Variants in TRMT11 observed in about 807,000 individuals in gnomAD.
TRMT11 encodes the protein tRNA methyltransferase 11, also known as tRNA (guanine(10)-N(2))-methyltransferase TRMT11.
TRMT11 carries 53 observed loss-of-function variants against 62.8 expected under a neutral mutation model. That is an observed-to-expected ratio of 0.84 (90% CI 0.68 to 1.06). TRMT11 has a LOEUF of 1.06. Among genes scored for constraint, TRMT11 ranks in the 50% least tolerant of loss-of-function variants. The pLI is 0.00. For synonymous variants in TRMT11, 188 were observed against 190.3 expected, an observed-to-expected ratio of 0.99 and a Z score of 0.10; for missense variants, 556 against 553.4, an observed-to-expected ratio of 1.00 and a Z score of -0.05.
chr6:126,045,687 A>G (rs1776036079), intron 16 of TRMT11, among the ~76,000 whole-genome samples: 1 of 152,132 alleles, frequency 6.6e-6, no homozygotes. Flanking sequence ...CACTATAACA[A>G]TTAGTACTAA....
intron 17 of TRMT11, among the ~76,000 whole-genome samples, chr6:126,077,895 CAG>C (rs1000485229): frequency 6.6e-6 from 1 of 152,122 alleles, no homozygotes; most frequent in African/African-American, 2.4e-5. Flanking sequence ...TGGTGAGAGT[CAG>C]AGATCCTTCT....
intron 17 of TRMT11, among the ~76,000 whole-genome samples, chr6:126,055,457 C>G (rs1583848289): frequency 6.6e-6 from 1 of 152,176 alleles, no homozygotes; most frequent in East Asian, 1.9e-4. Flanking sequence ...AGATACATGT[C>G]TTATGTTGAA....
chr6:126,130,099 C>T (rs1453383742), intron 21 of TRMT11, among the ~76,000 whole-genome samples: 1 of 152,014 alleles, frequency 6.6e-6, no homozygotes, highest in African/African-American at 2.4e-5. Flanking sequence ...AGAGGTCCAT[C>T]AGTTCAGTTC....
the TRMT11 span, among the ~76,000 whole-genome samples, chr6:126,237,516 C>T: frequency 6.6e-6 from 1 of 151,814 alleles, no homozygotes; most frequent in Non-Finnish European, 1.5e-5. Flanking sequence ...CTTGTCTCTA[C>T]AAAAAATACA....
At chr6:126,155,972 G>A (rs1039476362) in intron 21 of TRMT11, among the ~76,000 whole-genome samples, 7 of 151,898 alleles carry the variant, frequency 4.6e-5, no homozygotes, top group Non-Finnish European at 7.4e-5. Flanking sequence ...ATGATCCGCC[G>A]GCCTCAGCCT....
chr6:126,069,716 G>T (rs965017342), intron 17 of TRMT11, among the ~76,000 whole-genome samples: 1 of 152,210 alleles, frequency 6.6e-6, no homozygotes, highest in Non-Finnish European at 1.5e-5. Context: ...TCCGGGACTT[G>T]CCAGCCTTCA....
intron 17 of TRMT11, among the ~76,000 whole-genome samples, chr6:126,093,631 A>ATATATTTTTTT (rs1554236842): frequency 1.0e-5 from 1 of 98,016 alleles, no homozygotes; most frequent in African/African-American, 4.4e-5. Flanking sequence ...ATATATATAT[A>ATATATTTTTTT]TTTTCCCCCA....
intron 17 of TRMT11, among the ~76,000 whole-genome samples, chr6:126,088,160 CTATAGTA>C (rs970901760): frequency 6.6e-5 from 10 of 151,750 alleles, no homozygotes; most frequent in African/African-American, 2.4e-4. Flanking sequence ...TATATACTCT[CTATAGTA>C]TATAGTAAGC....
At chr6:126,005,548 G>A (rs188621723) in intron 7 of TRMT11, among the ~76,000 whole-genome samples, 16 of 151,986 alleles carry the variant, frequency 1.1e-4, no homozygotes, top group African/African-American at 3.6e-4. Context: ...ATTACTTTTT[G>A]ATTATTATTT....
rs1020384297 is a variant in TRMT11, at chr6:125,993,808, G to T, written c.124G>T (p.Glu42Ter). 6.2e-7 allele frequency: 1 copy of T among 1,607,798 alleles called. No homozygotes were observed. The highest frequency in any genetic ancestry group is 8.5e-7 in the Non-Finnish European group (1 of 1,174,836). ...LFGGQFASSQ[E>*]TYGKSPFWIL... ...TGGAGGTCAGTTTGCCAGCAGTCAA[G>T]AAACTTATGGAAAGGTAAGTTAAAT... Residue 42 changes from glutamate (E) to a stop codon, truncating the protein, a stop_gained, in exon 2 of 13, where the codon GAA becomes TAA. Coordinates refer to ENST00000334379, the MANE Select transcript of TRMT11 (RefSeq NM_001031712.3). LOFTEE classifies it high-confidence loss of function.
chr6:126,105,272 C>T (rs1000950172), intron 17 of TRMT11, among the ~76,000 whole-genome samples: 1 of 152,214 alleles, frequency 6.6e-6, no homozygotes, highest in Non-Finnish European at 1.5e-5. Context: ...CCTGCTCCAT[C>T]ATCACCTTGC....
chr6:126,197,737 G>A (rs113916185), intron 1 of TRMT11, among the ~76,000 whole-genome samples: 1,993 of 152,210 alleles, frequency 0.013, 21 homozygotes, highest in Non-Finnish European at 0.018. Context: ...AATGCAATAA[G>A]GACACAAATA....
At chr6:126,217,533 G>T in the TRMT11 span, among the ~76,000 whole-genome samples, 2 of 152,138 alleles carry the variant, frequency 1.3e-5, no homozygotes, top group Admixed American at 1.3e-4. Context: ...AGATCCAAAA[G>T]AATTCTCTGG....
At chr6:126,210,631 A>T in the TRMT11 span, among the ~76,000 whole-genome samples, 20,908 of 152,218 alleles carry the variant, frequency 0.14, 2,278 homozygotes, top group East Asian at 0.54. Context: ...TCATAAATTT[A>T]TATCTCCAGC....
At chr6:126,003,000 T>C (rs915414645) in intron 7 of TRMT11, among the ~76,000 whole-genome samples, 4 of 152,140 alleles carry the variant, frequency 2.6e-5, no homozygotes, top group African/African-American at 9.7e-5. Flanking sequence ...AGCTTATCTT[T>C]ATTCTGTTTT....
chr6:126,035,160 T>C (rs888340750), intron 12 of TRMT11, among the ~76,000 whole-genome samples: 3 of 152,150 alleles, frequency 2.0e-5, no homozygotes, highest in Non-Finnish European at 4.4e-5. Flanking sequence ...AAATGTGTAT[T>C]GTTCATAGAT....
the TRMT11 span, among the ~76,000 whole-genome samples, chr6:126,218,181 G>T: frequency 3.3e-5 from 5 of 152,166 alleles, no homozygotes; most frequent in Non-Finnish European, 5.9e-5. Context: ...CTAGAACTGG[G>T]TACCCCAAGA....
intron 21 of TRMT11, among the ~76,000 whole-genome samples, chr6:126,130,357 A>T (rs929165659): frequency 7.9e-5 from 12 of 152,028 alleles, no homozygotes; most frequent in African/African-American, 2.4e-4. Flanking sequence ...TGGATACAAA[A>T]TCCTTTTATA....
At chr6:126,128,187 A>AT (rs1415435505) in intron 21 of TRMT11, among the ~76,000 whole-genome samples, 20 of 152,264 alleles carry the variant, frequency 1.3e-4, no homozygotes, top group Admixed American at 6.5e-4. Context: ...TTTTTCATAA[A>AT]TTAATCATTG....
Sources: gnomAD v4.1 joint callset for allele counts (sites outside exome capture counted in the v4.1 genomes callset) on GRCh38, gnomAD v4.1.1 for gene constraint, MANE v1.5 for transcripts, NCBI Gene and HGNC (gene_info 2026-07-23, HGNC 2026-07-21) for gene names.